KIF3A: variants seen among roughly 807,000 people sequenced by gnomAD.
KIF3A encodes kinesin-like protein KIF3A.
Under a neutral mutation model 92.6 loss-of-function variants are expected in KIF3A, and 27 were observed. The ratio of observed to expected loss-of-function variants is 0.29; its 90% CI spans 0.21 to 0.40. KIF3A has a LOEUF of 0.40. Among genes scored for constraint, KIF3A ranks in the 10% least tolerant of loss-of-function variants. KIF3A has a pLI of 1.00. For missense variants in KIF3A, 581 were observed against 872.6 expected (o/e 0.67, Z 4.21); for synonymous variants, 250 against 275.4 (o/e 0.91, Z 0.92).
chr5:132,696,664 A>G lies in KIF3A; in HGVS notation c.2151T>C (p.Pro717=). The G allele has an allele frequency of 6.2e-7, 1 of 1,610,772 alleles. No individual in the cohort carries two copies. The highest frequency in any genetic ancestry group is 8.5e-7 in the Non-Finnish European group (1 of 1,177,094). The change falls in exon 19 of 19, where the codon CCT becomes CCC. Residue 717 remains proline, a synonymous_variant. Transcript: ENST00000403231. ...KTGRRKRSAK[P]ETVIDSLLQ is the part of the protein sequence containing the mutation. ...GCAGTAAAGAGTCAATTACAGTTTC[A>G]GGCTTTGCAGAACGCTTTCTGTTTG...
In KIF3A at chr5:132,693,435, T is replaced by C. The variant is rs1752726655; in HGVS notation, c.*3199A>G. 6.5e-6 allele frequency: 1 copy of C among 152,772 alleles called. No homozygotes were observed. Among genetic ancestry groups the C allele is most frequent in the South Asian group, 2.1e-4 (1 of 4,830 alleles). The allele number at this position is 152,772 out of a possible 1,614,324, so 9.5% of individuals were successfully genotyped here. A position where few individuals can be genotyped will look rare whatever the true frequency, so the allele number is the denominator to read the frequency against. ...AATAAATAAATATCACTTTTTAAAT[T>C]AAAGGGAAAAGAGAATACCCATTCA... On this transcript the variant is annotated 3_prime_UTR_variant, in exon 19 of 19. Transcript: ENST00000403231.
chr5:132,727,705 G>A (rs1173409541), intron 2 of KIF3A, among the ~76,000 whole-genome samples: 4 of 152,132 alleles, frequency 2.6e-5, no homozygotes, highest in African/African-American at 9.7e-5. Context: ...TCAATCAGAG[G>A]AGTGACATCA....
chr5:132,710,575 C>T (rs1753384343), intron 9 of KIF3A, among the ~76,000 whole-genome samples: 1 of 152,214 alleles, frequency 6.6e-6, no homozygotes, highest in African/African-American at 2.4e-5. Flanking sequence ...GAGATCGCGC[C>T]ACTGCACTCC....
At chr5:132,692,517 G>C (rs1752692741), downstream of KIF3A, 1 of 152,268 alleles carries the variant, frequency 6.6e-6, no homozygotes, top group Admixed American at 6.6e-5. Flanking sequence ...AAACTACACA[G>C]GCCTCTCTTA....
intron 4 of KIF3A, among the ~76,000 whole-genome samples, chr5:132,725,330 AG>A (rs1185499254): frequency 7.2e-5 from 11 of 152,224 alleles, no homozygotes; most frequent in African/African-American, 2.4e-4. Context: ...CAGTTTATGC[AG>A]TAAACTTAAA....
intron 16 of KIF3A, 91 bp downstream of exon 16, chr5:132,700,556 A>C (rs1752999738): frequency 6.0e-6 from 5 of 829,030 alleles, no homozygotes; most frequent in African/African-American, 3.4e-5. Flanking sequence ...CATCTACTGG[A>C]CCATGTTCCT....
chr5:132,703,119 A>G, intron 12 of KIF3A, 54 bp from the exon 13 acceptor site: 11 of 1,446,770 alleles, frequency 7.6e-6, no homozygotes, highest in Non-Finnish European at 1.0e-5. Flanking sequence ...TTATTCTACT[A>G]ATATCATTTC....
In KIF3A at chr5:132,734,498, C is replaced by T; in HGVS notation, c.7-20G>A. The T allele has an allele frequency of 6.4e-7, 1 of 1,572,068 alleles. No homozygotes were observed. The highest frequency in any genetic ancestry group is 8.6e-7 in the Non-Finnish European group (1 of 1,163,890). ...ATTGATCTGTTGGAGATAATATTTA[C>T]AAATAATGAAAAGAACATTAATTTT... On this transcript the variant is annotated intron_variant, in intron 1 of 18. Transcript: ENST00000403231.
At chr5:132,714,711 C>A (rs1161328242) in intron 8 of KIF3A, among the ~76,000 whole-genome samples, 1 of 152,066 alleles carries the variant, frequency 6.6e-6, no homozygotes, top group African/African-American at 2.4e-5. Context: ...GTGACAGTTG[C>A]ACAACAATGC....
downstream of KIF3A, among the ~76,000 whole-genome samples, chr5:132,691,674 G>A (rs938539220): frequency 4.6e-5 from 7 of 152,026 alleles, no homozygotes; most frequent in African/African-American, 9.7e-5. Flanking sequence ...AGGCTGAGGC[G>A]GGTGGATCAC....
At chr5:132,729,350 G>C (rs927950636) in intron 2 of KIF3A, among the ~76,000 whole-genome samples, 4 of 152,060 alleles carry the variant, frequency 2.6e-5, no homozygotes, top group Admixed American at 1.3e-4. Context: ...TACTGGGAAG[G>C]CTGAAGCGAG....
chr5:132,694,820 T>C lies in KIF3A; in HGVS notation c.*1814A>G, dbSNP rs1395010323. ...GAGTTAAGTAATAAATTTCTAGCTATCTTACATACCACAAACAAATGCAGC... is the reference window on the plus strand; with the variant it reads ...GAGTTAAGTAATAAATTTCTAGCTACCTTACATACCACAAACAAATGCAGC... On this transcript the variant is annotated 3_prime_UTR_variant, in exon 19 of 19. Coordinates refer to ENST00000403231, the MANE Select transcript of KIF3A (RefSeq NM_001300791.2). The C allele has an allele frequency of 2.0e-5, 3 of 152,470 alleles. No homozygotes were observed. Among genetic ancestry groups the C allele is most frequent in the Admixed American group, 6.5e-5 (1 of 15,304 alleles). 9.4% of individuals were successfully genotyped at this position (152,470 alleles called of 1,614,324 possible).
chr5:132,700,794 T>C, intron 15 of KIF3A, 94 bp from the exon 16 acceptor site: 1 of 753,754 alleles, frequency 1.3e-6, no homozygotes, highest in South Asian at 1.6e-5. Flanking sequence ...CATTGAGTAA[T>C]AAAAGTCTCA....
intron 2 of KIF3A, among the ~76,000 whole-genome samples, chr5:132,728,745 C>CAATAAATA (rs3048989): frequency 7.6e-4 from 114 of 149,694 alleles, no homozygotes; most frequent in African/African-American, 2.6e-3. Flanking sequence ...TCAAAAAATA[C>CAATAAATA]AATAAATAAA....
At chr5:132,698,337 G>C (rs967423616) in intron 18 of KIF3A, among the ~76,000 whole-genome samples, 3 of 152,068 alleles carry the variant, frequency 2.0e-5, no homozygotes, top group African/African-American at 7.2e-5. Flanking sequence ...AAAAAAATAA[G>C]CTCCAGCCCA....
At chr5:132,709,830 G>A (rs1753352995) in intron 9 of KIF3A, among the ~76,000 whole-genome samples, 2 of 152,132 alleles carry the variant, frequency 1.3e-5, no homozygotes, top group Admixed American at 1.3e-4. Context: ...AAAAACAGGT[G>A]GTGAGCTGGA....
intron 8 of KIF3A, among the ~76,000 whole-genome samples, chr5:132,711,754 T>G (rs1178065309): frequency 6.6e-6 from 1 of 152,174 alleles, no homozygotes; most frequent in African/African-American, 2.4e-5. Context: ...AATAATTCAT[T>G]CAATCTGTAT....
rs1208236647 is a variant in KIF3A, at chr5:132,708,975, C to T, written c.1232G>A (p.Ser411Asn). 1.9e-6 allele frequency: 3 copies of T among 1,549,674 alleles called. No homozygotes were observed. The highest frequency in any genetic ancestry group is 1.4e-5 in the African/African-American group (1 of 73,096). The stretch of plus-strand genomic sequence containing the variant: ...GGAGTCTGAACTACTGCTGCTGCTA[C>T]TGCCTGGAAAACAAAGAAATGAGCC... ...DGEKRKKRRG[S>N]SSSSSSDSTC... is the part of the protein sequence containing the mutation. Residue 411 changes from serine to asparagine, a missense_variant, in exon 10 of 19, where the codon AGT becomes AAT. Coordinates refer to ENST00000403231, the MANE Select transcript of KIF3A (RefSeq NM_001300791.2).
chr5:132,692,922 A>T lies in KIF3A; in HGVS notation c.*3712T>A, dbSNP rs1352202336. On this transcript the variant is annotated 3_prime_UTR_variant, in exon 19 of 19. Transcript: ENST00000403231. Reference sequence around the variant, plus strand: ...CAAAAAATAATTTAAAATAAAACAAATGTATACATTAGGAAATTGGGCAGA... The same window carrying T: ...CAAAAAATAATTTAAAATAAAACAATTGTATACATTAGGAAATTGGGCAGA... 1.3e-5 allele frequency: 2 copies of T among 152,668 alleles called. No individual in the cohort carries two copies. Among genetic ancestry groups the T allele is most frequent in the African/African-American group, 4.8e-5 (2 of 41,474 alleles). 9.5% of individuals were successfully genotyped at this position (152,668 alleles called of 1,614,324 possible). A position where few individuals can be genotyped will look rare whatever the true frequency, so the allele number is the denominator to read the frequency against.
Sources: allele counts gnomAD v4.1 joint callset (sites outside exome capture counted in the v4.1 genomes callset), GRCh38; gene constraint gnomAD v4.1.1; transcripts MANE v1.5; gene names NCBI Gene and HGNC (gene_info 2026-07-23, HGNC 2026-07-21).